The following DACH2 variants were observed in gnomAD, a reference collection of about 807,000 sequenced individuals.
The protein encoded by DACH2 is dachshund family transcription factor 2.
A neutral mutation model predicts 35.8 loss-of-function variants in DACH2; 17 were observed. The ratio of observed to expected loss-of-function variants is 0.48; its 90% confidence interval spans 0.33 to 0.71. DACH2 has a LOEUF of 0.71. Among genes scored for constraint, DACH2 ranks in the 30% least tolerant of loss-of-function variants. The pLI, the probability that DACH2 is intolerant of heterozygous loss-of-function variation, is 0.02. For synonymous variants in DACH2, 195 were observed against 177.3 expected (o/e 1.10, Z -0.79); for missense variants, 469 against 472.7 (o/e 0.99, Z 0.07).
At chrX:86,745,304 T>C (rs780543392) in intron 7 of DACH2, among the ~76,000 whole-genome samples, 2 of 111,208 alleles carry the variant, frequency 1.8e-5, no homozygotes, top group Non-Finnish European at 3.8e-5. Flanking sequence ...CAAGTGCAGG[T>C]TTGTTATGTA....
At chrX:86,233,899 C>T (rs148656865) in intron 1 of DACH2, among the ~76,000 whole-genome samples, 1,419 of 111,789 alleles carry the variant, frequency 0.013, 30 homozygotes, top group African/African-American at 0.044. Context: ...GCCCCTGTGA[C>T]TCAAATAATC....
intron 3 of DACH2, among the ~76,000 whole-genome samples, chrX:86,564,619 C>T (rs1327031441): frequency 9.0e-6 from 1 of 111,171 alleles, no homozygotes; most frequent in Non-Finnish European, 1.9e-5. Flanking sequence ...TGTCCTGTGG[C>T]CACATTGACA....
intron 3 of DACH2, among the ~76,000 whole-genome samples, chrX:86,604,650 G>A (rs1164374322): frequency 2.7e-5 from 3 of 111,422 alleles, no homozygotes; most frequent in Non-Finnish European, 5.7e-5. Context: ...GGAGGGATTC[G>A]ATGATGTAAT....
In DACH2 at chrX:86,429,915, T is replaced by C. The variant is rs1019425260; in HGVS notation, c.527+53053T>C. 2.7e-5 allele frequency among the ~76,000 whole-genome samples: 3 copies of C among 112,249 alleles called. No homozygotes were observed. The Admixed American group carries it at 2.8e-4, about 11-fold the overall frequency. On this transcript the variant is annotated intron_variant, in intron 2 of 11. Transcript: ENST00000373125. ...TTTCTGAAACATAGAACTTTTAGAA[T>C]TTTATAGAGATAAATCATACAAAGT... is the stretch of plus-strand genomic sequence containing the variant.
At chrX:86,254,807 T>TATATATAGAGAGAGAGAGAGAGAGAG (rs1380613474) in intron 1 of DACH2, among the ~76,000 whole-genome samples, 1 of 49,652 alleles carries the variant, frequency 2.0e-5, no homozygotes, top group African/African-American at 1.2e-4. Context: ...TATATATATA[T>TATATATAGAGAGAGAGAGAGAGAGAG]AGAGAGAGAG....
intron 4 of DACH2, among the ~76,000 whole-genome samples, chrX:86,674,411 C>A (rs963330905): frequency 1.8e-5 from 2 of 112,258 alleles, no homozygotes; most frequent in African/African-American, 6.5e-5. Flanking sequence ...AATGTTCTAC[C>A]AGCAAAGAAG....
chrX:86,761,432 C>T (rs1438249643), intron 7 of DACH2, among the ~76,000 whole-genome samples: 1 of 111,791 alleles, frequency 8.9e-6, no homozygotes, highest in Non-Finnish European at 1.9e-5. Flanking sequence ...AATAGGGATG[C>T]TTTTACCTTG....
At chrX:86,199,015 G>A (rs4497117) in intron 1 of DACH2, among the ~76,000 whole-genome samples, 45,233 of 108,903 alleles carry the variant, frequency 0.42, 7,885 homozygotes, top group Non-Finnish European at 0.55. Flanking sequence ...AAAAATTCTC[G>A]AGAAAATACT....
chrX:86,217,251 T>A (rs1206738105), intron 1 of DACH2, among the ~76,000 whole-genome samples: 2 of 110,612 alleles, frequency 1.8e-5, no homozygotes, highest in African/African-American at 6.6e-5. Context: ...AAAAATGAAA[T>A]AAATATAGCA....
At position 86,271,669 on chromosome X, in the gene DACH2, C is replaced by A. The variant is rs775590035; in HGVS notation, c.489-105155C>A. 4.9e-3 allele frequency among the ~76,000 whole-genome samples: 549 copies of A among 111,482 alleles called. 2 individuals carry two copies. The highest frequency in any genetic ancestry group is 7.4e-3 in the Non-Finnish European group (391 of 52,920). On this transcript the variant is annotated intron_variant, in intron 1 of 11. Transcript: ENST00000373125. ...CATTTTGATTTGGGTGTAATAAAAT[C>A]ATTTTTAAATTTTCCATTCTACTCC... is the stretch of plus-strand genomic sequence containing the variant.
rs777964564 is a variant in DACH2 at position 86,625,915 on chromosome X, G to GACACAGCCAA, written c.641-25118_641-25109dup. Among the ~76,000 whole-genome samples, 166 of 111,142 alleles carry GACACAGCCAA rather than the reference G, an allele frequency of 1.5e-3. 5 individuals are homozygous for GACACAGCCAA. The South Asian group carries it at 0.064, about 43-fold the overall frequency. The stretch of plus-strand genomic sequence containing the variant: ...CAATTCAAGATGGGATTTCAGTGGG[G>GACACAGCCAA]ACACAGCCAAACCATATTATTCCAC... On this transcript the variant is annotated intron_variant, in intron 3 of 11. Coordinates refer to ENST00000373125, the MANE Select transcript of DACH2 (RefSeq NM_053281.3).
intron 7 of DACH2, among the ~76,000 whole-genome samples, chrX:86,803,922 A>T (rs774516045): frequency 7.3e-4 from 81 of 111,689 alleles, no homozygotes; most frequent in African/African-American, 2.5e-3. Flanking sequence ...TGAGCAAATC[A>T]TACAGGTGGC....
rs759590101 is a variant in DACH2 at position 86,800,867 on chromosome X, G to C, written c.1241-11989G>C. Among the ~76,000 whole-genome samples, 103 of 110,002 alleles carry C rather than the reference G, an allele frequency of 9.4e-4. 1 individual carries two copies. The highest frequency in any genetic ancestry group is 3.1e-3 in the Admixed American group (32 of 10,299). The stretch of plus-strand genomic sequence containing the variant: ...GTATTTTTAGTAGAAATGGGGTTTC[G>C]CCATGTTGGCCAGGCTGGTCTTGAA... On this transcript the variant is annotated intron_variant, in intron 7 of 11. Coordinates refer to ENST00000373125, the MANE Select transcript of DACH2 (RefSeq NM_053281.3).
At chrX:86,780,454 A>G (rs1169429816) in intron 7 of DACH2, among the ~76,000 whole-genome samples, 1 of 112,227 alleles carries the variant, frequency 8.9e-6, no homozygotes, top group Non-Finnish European at 1.9e-5. Context: ...AAAATATACA[A>G]GAGATGAAAT....
rs747308003 is a variant in DACH2, at chrX:86,244,283, G to T, written c.488+95175G>T. ...TTTCTGTTCTATAATCATCCTCTGAGTCAATTGATTATCCCAATACTATCA... is the reference window on the plus strand; with the variant it reads ...TTTCTGTTCTATAATCATCCTCTGATTCAATTGATTATCCCAATACTATCA... On this transcript the variant is annotated intron_variant, in intron 1 of 11. Coordinates refer to ENST00000373125, the MANE Select transcript of DACH2 (RefSeq NM_053281.3). 2.7e-5 allele frequency among the ~76,000 whole-genome samples: 3 copies of T among 111,980 alleles called. No homozygotes were observed. The South Asian group carries it at 1.1e-3, about 41-fold the overall frequency.
intron 3 of DACH2, among the ~76,000 whole-genome samples, chrX:86,644,267 A>G (rs2040386529): frequency 8.9e-6 from 1 of 111,767 alleles, no homozygotes; most frequent in African/African-American, 3.2e-5. Context: ...TAGAGTTCCT[A>G]TACACCAACA....
chrX:86,554,328 ATCT>A (rs1409510013), intron 3 of DACH2, among the ~76,000 whole-genome samples: 2 of 111,277 alleles, frequency 1.8e-5, no homozygotes, highest in Non-Finnish European at 3.8e-5. Context: ...TGTTTCTATC[ATCT>A]TTGTGGAAAT....
intron 1 of DACH2, among the ~76,000 whole-genome samples, chrX:86,332,421 C>T (rs1259960471): frequency 9.0e-6 from 1 of 111,372 alleles, no homozygotes; most frequent in Non-Finnish European, 1.9e-5. Context: ...GTACTTTAAT[C>T]CCTAAAGAGT....
chrX:86,696,387 A>G (rs1948842658), intron 5 of DACH2, among the ~76,000 whole-genome samples: 1 of 112,147 alleles, frequency 8.9e-6, no homozygotes, highest in Non-Finnish European at 1.9e-5. Context: ...AGCAAAAGCA[A>G]ATGAAAGGAA....
Sources: allele counts gnomAD v4.1 joint callset (sites outside exome capture counted in the v4.1 genomes callset), GRCh38; gene constraint gnomAD v4.1.1; transcripts MANE v1.5; gene names NCBI Gene and HGNC (gene_info 2026-07-23, HGNC 2026-07-21).